SORCS3: variants seen among roughly 807,000 people sequenced by gnomAD.
SORCS3 encodes VPS10 domain-containing receptor SorCS3.
In SORCS3, 57 loss-of-function variants were observed where a neutral mutation model predicts 146.3. That is an observed-to-expected ratio of 0.39 (90% CI 0.31 to 0.49). The LOEUF (loss-of-function observed/expected upper bound fraction) is 0.49. Ranked by LOEUF, SORCS3 falls within the 20% of genes least tolerant of loss-of-function variation. The pLI is 0.92. For missense variants in SORCS3, 1,341 were observed against 1,575.5 expected, an observed-to-expected ratio of 0.85 and a Z score of 2.52; for synonymous variants, 653 against 618.5, an observed-to-expected ratio of 1.06 and a Z score of -0.83.
At chr10:104,793,278 T>C (rs957991314) in intron 1 of SORCS3, among the ~76,000 whole-genome samples, 4 of 152,224 alleles carry the variant, frequency 2.6e-5, no homozygotes, top group African/African-American at 9.6e-5. Context: ...ATACAGCCAG[T>C]AACCCGTGAA....
At chr10:104,751,597 G>T (rs61867285) in intron 1 of SORCS3, among the ~76,000 whole-genome samples, 1 of 151,990 alleles carries the variant, frequency 6.6e-6, no homozygotes, top group African/African-American at 2.4e-5. Context: ...GATAGCTAAA[G>T]CTTGCTGTGC....
intron 3 of SORCS3, among the ~76,000 whole-genome samples, chr10:104,960,229 A>G (rs887431082): frequency 1.3e-5 from 2 of 152,152 alleles, no homozygotes; most frequent in Non-Finnish European, 2.9e-5. Flanking sequence ...ATTTCTAAGT[A>G]TATTTACTCC....
At position 104,992,909 on chromosome 10, in the gene SORCS3, A is replaced by G. The variant is rs146921322; in HGVS notation, c.954+15416A>G. ...TTTAATGGTTTTACATTTATTAGGT[A>G]TGTTTTTTTTTTCTCTGTGTTTAGG... is the stretch of plus-strand genomic sequence containing the variant. On this transcript the variant is annotated intron_variant, in intron 4 of 26. Coordinates refer to ENST00000369701, the MANE Select transcript of SORCS3 (RefSeq NM_014978.3). 2.1e-3 allele frequency among the ~76,000 whole-genome samples: 320 copies of G among 152,126 alleles called. 2 individuals carry two copies. The highest frequency in any genetic ancestry group is 7.5e-3 in the African/African-American group (310 of 41,520).
chr10:105,093,186 A>G (rs549913763), intron 6 of SORCS3, among the ~76,000 whole-genome samples: 3 of 152,312 alleles, frequency 2.0e-5, no homozygotes, highest in East Asian at 3.9e-4. Context: ...TATTGGATCA[A>G]TTGGGCAGTA....
intron 2 of SORCS3, among the ~76,000 whole-genome samples, chr10:104,878,831 T>C (rs2018602067): frequency 1.3e-5 from 2 of 152,150 alleles, no homozygotes; most frequent in African/African-American, 4.8e-5. Flanking sequence ...ATTTGCACGA[T>C]GTGTTGGATG....
At chr10:104,869,671 G>C (rs935102218) in intron 2 of SORCS3, among the ~76,000 whole-genome samples, 1 of 152,228 alleles carries the variant, frequency 6.6e-6, no homozygotes, top group East Asian at 1.9e-4. Flanking sequence ...CATGAACCAT[G>C]TTTAAATGTG....
At position 104,921,023 on chromosome 10, in the gene SORCS3, T is replaced by C. The variant is rs1395259962; in HGVS notation, c.795+5091T>C. Among the ~76,000 whole-genome samples, 3 of 152,322 alleles carry C rather than the reference T, an allele frequency of 2.0e-5. No homozygotes were observed. The East Asian group carries it at 5.8e-4, about 29-fold the overall frequency. On this transcript the variant is annotated intron_variant, in intron 3 of 26. Transcript: ENST00000369701. The stretch of plus-strand genomic sequence containing the variant: ...AATGTGTCTGGTTGGTACTTGAAGA[T>C]GAGGAATAGTATATTAGCTCTGGAA...
chr10:104,789,681 G>A (rs2017474670), intron 1 of SORCS3, among the ~76,000 whole-genome samples: 2 of 152,074 alleles, frequency 1.3e-5, no homozygotes, highest in Non-Finnish European at 1.5e-5. Context: ...TGGATGCAAT[G>A]GATGCACAAT....
At position 105,154,069 on chromosome 10, in the gene SORCS3, GA is replaced by G. The variant is rs59868914; in HGVS notation, c.1483-3050del. On this transcript the variant is annotated intron_variant, in intron 9 of 26. Transcript: ENST00000369701. ...CAGGTGACTGAGTGAGACTCCATCT[GA>G]AAAAAAAAAAAAAAAAAAGAAACTT... 9.0e-3 allele frequency among the ~76,000 whole-genome samples: 685 copies of G among 76,132 alleles called. 3 individuals are homozygous for G. The highest frequency in any genetic ancestry group is 0.02 in the Middle Eastern group (2 of 100). 49.9% of individuals were successfully genotyped at this position (76,132 alleles called of 152,430 possible).
intron 1 of SORCS3, among the ~76,000 whole-genome samples, chr10:104,746,951 A>T (rs1182187875): frequency 6.6e-6 from 1 of 152,222 alleles, no homozygotes; most frequent in African/African-American, 2.4e-5. Context: ...ATGAGAAACA[A>T]GTATTAAAAT....
intron 16 of SORCS3, among the ~76,000 whole-genome samples, chr10:105,207,261 G>A (rs1589688511): frequency 3.8e-5 from 4 of 105,962 alleles, no homozygotes; most frequent in Admixed American, 2.9e-4. Context: ...TCCTATTTTG[G>A]CATGCAGAGG....
chr10:105,225,062 G>T (rs1304291092), intron 20 of SORCS3, among the ~76,000 whole-genome samples: 1 of 151,862 alleles, frequency 6.6e-6, no homozygotes, highest in Non-Finnish European at 1.5e-5. Context: ...AGTGTCTTTT[G>T]TAGACAAAAG....
intron 7 of SORCS3, among the ~76,000 whole-genome samples, chr10:105,132,727 C>T (rs1216649382): frequency 6.6e-6 from 1 of 152,066 alleles, no homozygotes; most frequent in Non-Finnish European, 1.5e-5. Flanking sequence ...GCCAGGAGCC[C>T]AATTAAACCT....
intron 3 of SORCS3, among the ~76,000 whole-genome samples, chr10:104,932,553 A>C (rs1589554798): frequency 6.6e-6 from 1 of 152,326 alleles, no homozygotes. Flanking sequence ...CCAGGTGTCC[A>C]CAGGAGAACA....
intron 2 of SORCS3, among the ~76,000 whole-genome samples, chr10:104,903,457 G>C (rs2018873151): frequency 6.6e-6 from 1 of 152,112 alleles, no homozygotes; most frequent in Admixed American, 6.5e-5. Flanking sequence ...AGAAAGGAAA[G>C]ATAACAGAAG....
chr10:104,988,286 C>A (rs1425960711), intron 4 of SORCS3, among the ~76,000 whole-genome samples: 1 of 152,118 alleles, frequency 6.6e-6, no homozygotes, highest in East Asian at 1.9e-4. Flanking sequence ...TTACGCTGAA[C>A]CCCAGCTCCA....
chr10:105,253,468 A>C (rs2056912832), intron 23 of SORCS3, among the ~76,000 whole-genome samples: 1 of 152,220 alleles, frequency 6.6e-6, no homozygotes, highest in African/African-American at 2.4e-5. Context: ...TCAAATGGGC[A>C]TATAGAACTA....
At chr10:104,890,604 G>T (rs2133582660) in intron 2 of SORCS3, among the ~76,000 whole-genome samples, 1 of 152,070 alleles carries the variant, frequency 6.6e-6, no homozygotes, top group Non-Finnish European at 1.5e-5. Context: ...TCTTGAACTT[G>T]TGGAATAAAG....
intron 11 of SORCS3, among the ~76,000 whole-genome samples, chr10:105,160,000 G>A (rs2056248569): frequency 6.6e-6 from 1 of 152,176 alleles, no homozygotes; most frequent in African/African-American, 2.4e-5. Context: ...GGGAGCCCAG[G>A]CTGAGGAGAG....
Sources: allele counts gnomAD v4.1 joint callset (sites outside exome capture counted in the v4.1 genomes callset), GRCh38; gene constraint gnomAD v4.1.1; transcripts MANE v1.5; gene names NCBI Gene and HGNC (gene_info 2026-07-23, HGNC 2026-07-21).